GOLGA8A: variants seen among roughly 807,000 people sequenced by gnomAD.
GOLGA8A encodes the protein golgin subfamily A member 8A.
GOLGA8A carries 3 observed loss-of-function variants against 22.1 expected under a neutral mutation model. That is an observed-to-expected ratio of 0.14 (90% CI 0.06 to 0.35). The LOEUF (loss-of-function observed/expected upper bound fraction) is 0.35, where lower values mean the gene tolerates loss of function less well. GOLGA8A is among the 10% of genes least tolerant of loss of function. GOLGA8A has a pLI of 1.00. For missense variants in GOLGA8A, 16 were observed against 233.2 expected (o/e 0.07, Z 6.07); for synonymous variants, 7 against 91.7 (o/e 0.08, Z 5.28).
chr15:34,420,756 C>T (rs552232956), intron 2 of GOLGA8A, among the ~76,000 whole-genome samples: 4 of 127,822 alleles, frequency 3.1e-5, no homozygotes, highest in East Asian at 2.4e-4. Context: ...CGAGTGCTCC[C>T]GGTTTTCAGC....
intron 2 of GOLGA8A, among the ~76,000 whole-genome samples, chr15:34,420,710 T>C (rs1892763436): frequency 7.9e-6 from 1 of 126,692 alleles, no homozygotes; most frequent in Non-Finnish European, 1.7e-5. Context: ...GCCACTCCCC[T>C]GAGGAAAGGC....
chr15:34,437,222 C>T (rs1443946928), intron 1 of GOLGA8A, among the ~76,000 whole-genome samples, 176 bp downstream of exon 1: 1 of 146,814 alleles, frequency 6.8e-6, no homozygotes, highest in Non-Finnish European at 1.5e-5. Context: ...CGGGCTGCAC[C>T]CCTAGATCCC....
At chr15:34,424,437 T>C (rs890807446) in intron 2 of GOLGA8A, among the ~76,000 whole-genome samples, 1 of 141,372 alleles carries the variant, frequency 7.1e-6, no homozygotes, top group African/African-American at 2.6e-5. Flanking sequence ...AATAAAAAAA[T>C]ACGAGAGGAA....
At position 34,381,183 on chromosome 15, in the gene GOLGA8A, G is replaced by T. The variant is rs1352753244; in HGVS notation, c.*228C>A. 4.4e-5 allele frequency: 33 copies of T among 751,966 alleles called. No homozygotes were observed. Among genetic ancestry groups the T allele is most frequent in the Non-Finnish European group, 6.1e-5 (29 of 475,918 alleles). The allele number at this position is 751,966 out of a possible 1,614,324, so 46.6% of individuals were successfully genotyped here. On this transcript the variant is annotated 3_prime_UTR_variant, in exon 25 of 25. Coordinates refer to ENST00000359187, the MANE Select transcript of GOLGA8A (RefSeq NM_181077.5). ...TGCTAATGACCTACAATTATGAAAT[G>T]AAAAAAGAAAAATGCTGAAGGATGC...
chr15:34,421,696 C>T (rs397843031), intron 2 of GOLGA8A, among the ~76,000 whole-genome samples: 7,917 of 129,904 alleles, frequency 0.061, 960 homozygotes, highest in African/African-American at 0.2. Context: ...TTTCATCACT[C>T]GCAATACAAA....
chr15:34,434,433 G>C (rs976208050), intron 2 of GOLGA8A, among the ~76,000 whole-genome samples: 2 of 149,294 alleles, frequency 1.3e-5, no homozygotes, highest in Non-Finnish European at 3.0e-5. Context: ...GCATGATCTT[G>C]AGGTCACCTA....
intron 2 of GOLGA8A, chr15:34,416,722 CCAGGAGATTGAGGCTG>C (rs1337464145): frequency 1.3e-5 from 1 of 76,392 alleles, no homozygotes; most frequent in Non-Finnish European, 2.4e-5. Flanking sequence ...CTGCTTAAGC[CCAGGAGATTGAGGCTG>C]CAGTGAGCTA....
intron 2 of GOLGA8A, among the ~76,000 whole-genome samples, chr15:34,432,219 G>A (rs948966035): frequency 6.7e-6 from 1 of 149,122 alleles, no homozygotes; most frequent in Non-Finnish European, 1.5e-5. Context: ...TAGGGCCCAC[G>A]TCATCTGTGG....
intron 2 of GOLGA8A, among the ~76,000 whole-genome samples, chr15:34,430,902 C>T (rs62014617): frequency 0.023 from 2,825 of 121,520 alleles, 19 homozygotes; most frequent in Non-Finnish European, 0.035. Flanking sequence ...TCCTAACACA[C>T]GCCTGGCCCC....
chr15:34,430,004 C>T (rs1893158204), intron 2 of GOLGA8A, among the ~76,000 whole-genome samples: 1 of 147,492 alleles, frequency 6.8e-6, no homozygotes, highest in Admixed American at 6.9e-5. Flanking sequence ...CCAGGGGTCC[C>T]CCACGGCAGC....
Position 34,427,481 on chromosome 15 carries a change from C to T in GOLGA8A, c.-1123+7902G>A, listed in dbSNP as rs531787914. The stretch of plus-strand genomic sequence containing the variant: ...GATGGTTCCATTTTAACTTCTTCAG[C>T]CAGAGGAAATCTAAAAATTCTTCCT... On this transcript the variant is annotated intron_variant, in intron 2 of 24. Transcript: ENST00000359187. Among the ~76,000 whole-genome samples the T allele has an allele frequency of 1.9e-4, 28 of 148,956 alleles. 1 individual carries two copies. The South Asian group carries it at 4.3e-3, about 23-fold the overall frequency.
At chr15:34,384,378 T>TGG (rs1444438654) in intron 16 of GOLGA8A, among the ~76,000 whole-genome samples, 3 of 143,996 alleles carry the variant, frequency 2.1e-5, no homozygotes, top group Admixed American at 1.4e-4. Flanking sequence ...TGAAAAAACA[T>TGG]GGAGTGTTTG....
chr15:34,379,474 T>C lies in GOLGA8A; in HGVS notation c.*1937A>G, dbSNP rs1009864576. On this transcript the variant is annotated 3_prime_UTR_variant, in exon 25 of 25. Transcript: ENST00000359187. Reference sequence around the variant, plus strand: ...CATTTTTTATCATTCTGAAACTGGATTTGTGTAATACATTGATAAATTCAT... The same window carrying C: ...CATTTTTTATCATTCTGAAACTGGACTTGTGTAATACATTGATAAATTCAT... 1.4e-4 allele frequency: 21 copies of C among 152,642 alleles called. No individual in the cohort carries two copies. Among genetic ancestry groups the C allele is most frequent in the African/African-American group, 3.4e-4 (14 of 41,458 alleles). 9.5% of individuals were successfully genotyped at this position (152,642 alleles called of 1,614,324 possible). A position where few individuals can be genotyped will look rare whatever the true frequency, so the allele number is the denominator to read the frequency against.
At position 34,379,922 on chromosome 15, in the gene GOLGA8A, T is replaced by C. The variant is rs570844226; in HGVS notation, c.*1489A>G. On this transcript the variant is annotated 3_prime_UTR_variant, in exon 25 of 25. Transcript: ENST00000359187. ...AAAATGAGAGGTACAAAAACGTATT[T>C]CACTCTTCGTAAAGAAGTTTGTGAG... The C allele has an allele frequency of 1.3e-5, 2 of 152,800 alleles. No homozygotes were observed. The highest frequency in any genetic ancestry group is 4.1e-4 in the South Asian group (2 of 4,828). 9.5% of individuals were successfully genotyped at this position (152,800 alleles called of 1,614,324 possible).
At chr15:34,425,008 G>C (rs1892924032) in intron 2 of GOLGA8A, among the ~76,000 whole-genome samples, 1 of 146,266 alleles carries the variant, frequency 6.8e-6, no homozygotes, top group African/African-American at 2.5e-5. Context: ...GATCACTTGA[G>C]ACCAGGAAGT....
intron 2 of GOLGA8A, among the ~76,000 whole-genome samples, chr15:34,431,291 T>TTATATATATATATATATATACGTATATA (rs1893220310): frequency 8.9e-6 from 1 of 112,136 alleles, no homozygotes; most frequent in African/African-American, 3.5e-5. Context: ...TGAAAAAAAA[T>TTATATATATATATATATATACGTATATA]TATATATATA....
chr15:34,435,880 TC>T (rs922039390), intron 1 of GOLGA8A, among the ~76,000 whole-genome samples: 7 of 148,946 alleles, frequency 4.7e-5, no homozygotes, highest in African/African-American at 1.5e-4. Context: ...TCCAGCTTTA[TC>T]TACTCACGCC....
chr15:34,422,733 G>GCTCTCTCTCT (rs377406455), intron 2 of GOLGA8A, among the ~76,000 whole-genome samples: 4 of 96,858 alleles, frequency 4.1e-5, no homozygotes, highest in African/African-American at 1.1e-4. Flanking sequence ...TCTCGCTCTC[G>GCTCTCTCTCT]CTCTCTCTCT....
At chr15:34,428,824 C>G (rs1300515302) in intron 2 of GOLGA8A, 1 of 145,894 alleles carries the variant, frequency 6.9e-6, no homozygotes, top group South Asian at 2.2e-4. Flanking sequence ...GCCCATCACC[C>G]TGCAGCGCTG....
Sources: gnomAD v4.1 joint callset for allele counts (sites outside exome capture counted in the v4.1 genomes callset) on GRCh38, gnomAD v4.1.1 for gene constraint, MANE v1.5 for transcripts, NCBI Gene and HGNC (gene_info 2026-07-23, HGNC 2026-07-21) for gene names.